SEC24C: variants seen among roughly 807,000 people sequenced by gnomAD.
SEC24C encodes SEC24 homolog C, COPII component.
Under a neutral mutation model 117.0 loss-of-function variants are expected in SEC24C, and 22 were observed. The ratio of observed to expected loss-of-function variants is 0.19; its 90% CI spans 0.13 to 0.27. SEC24C has a LOEUF of 0.27. Among genes scored for constraint, SEC24C ranks in the 10% least tolerant of loss-of-function variants. The pLI is 1.00. For synonymous variants in SEC24C, 506 were observed against 529.4 expected, an observed-to-expected ratio of 0.96 and a Z score of 0.61; for missense variants, 1,155 against 1,375.1, an observed-to-expected ratio of 0.84 and a Z score of 2.53.
chr10:73,770,513 A>G, intron 21 of SEC24C, 42 bp downstream of exon 21: 1 of 1,602,718 alleles, frequency 6.2e-7, no homozygotes, highest in African/African-American at 1.3e-5. Flanking sequence ...GTGGAAGTAT[A>G]CTTTGTGAAA....
chr10:73,754,442 T>G (rs1446971716), intron 3 of SEC24C, among the ~76,000 whole-genome samples: 1 of 152,130 alleles, frequency 6.6e-6, no homozygotes. Context: ...TGGGAGGTTA[T>G]ATGCAAATAT....
intron 6 of SEC24C, among the ~76,000 whole-genome samples, chr10:73,762,918 A>T (rs184088441): frequency 2.6e-5 from 4 of 152,336 alleles, no homozygotes; most frequent in African/African-American, 9.6e-5. Flanking sequence ...ATACACATTG[A>T]TGCTTACCTG....
rs2082589574 is a variant in SEC24C at position 73,748,219 on chromosome 10, T to C, written c.172+1215T>C. 2.0e-5 allele frequency among the ~76,000 whole-genome samples: 3 copies of C among 152,012 alleles called. No homozygotes were observed. In the South Asian group the frequency reaches 6.2e-4, roughly 32 times the overall value. ...GGCACAATCTCGGCTCACTGCAACC[T>C]CCGCCTCCCAGATTCAAGCAATTCT... is the stretch of plus-strand genomic sequence containing the variant. On this transcript the variant is annotated intron_variant, in intron 2 of 22. Transcript: ENST00000345254.
At chr10:73,764,320 C>G (rs955511242) in intron 8 of SEC24C, among the ~76,000 whole-genome samples, 16 of 151,966 alleles carry the variant, frequency 1.1e-4, no homozygotes, top group African/African-American at 3.1e-4. Context: ...GACAGGAGAT[C>G]AAGACCATCC....
rs371242251 is a variant in SEC24C, at chr10:73,751,247, G to C, written c.308+4G>C. Reference sequence around the variant, plus strand: ...GCTCCACTGTTCAGATGCAAAGGTAGGTACTTGGTCAATCTAAAATTGGTC... The same window carrying C: ...GCTCCACTGTTCAGATGCAAAGGTACGTACTTGGTCAATCTAAAATTGGTC... On this transcript the variant is annotated splice_donor_region_variant and intron_variant, in intron 3 of 22. Transcript: ENST00000345254. The C allele has an allele frequency of 6.2e-7, 1 of 1,612,312 alleles. No individual in the cohort carries two copies. The highest frequency in any genetic ancestry group is 1.3e-5 in the African/African-American group (1 of 75,006).
At position 73,746,225 on chromosome 10, in the gene SEC24C, T is replaced by TGGGTTGGA. The variant is rs1302285350; in HGVS notation, c.-28-578_-28-571dup. Among the ~76,000 whole-genome samples, 3 of 151,320 alleles carry TGGGTTGGA rather than the reference T, an allele frequency of 2.0e-5. No homozygotes were observed. In the East Asian group the frequency reaches 5.9e-4, roughly 30 times the overall value. On this transcript the variant is annotated intron_variant, in intron 1 of 22. Coordinates refer to ENST00000345254, the MANE Select transcript of SEC24C (RefSeq NM_198597.3). ...CATACACTCTTTTGGTGGAAAGACT[T>TGGGTTGGA]GGGTTGGAGTATCATTTGTATTATG... is the stretch of plus-strand genomic sequence containing the variant.
rs1300339098 is a variant in SEC24C, at chr10:73,769,316, G to A, written c.2425-31G>A. 3.1e-6 allele frequency: 5 copies of A among 1,611,570 alleles called. No individual in the cohort carries two copies. The African/African-American group carries it at 5.3e-5, about 17-fold the overall frequency. On this transcript the variant is annotated intron_variant, in intron 17 of 22. Transcript: ENST00000345254. This position sits in a 1 kb window ranked among gnomAD's most constrained non-coding sequence, Gnocchi z 4.5. The stretch of plus-strand genomic sequence containing the variant: ...AGCAAAGGGCCTTTGTGAGGGAGGG[G>A]TGTGAGTTCCCCCTTTCTCCTTTCC...
intron 6 of SEC24C, among the ~76,000 whole-genome samples, chr10:73,763,171 C>T (rs769787366): frequency 1.3e-5 from 2 of 152,004 alleles, no homozygotes; most frequent in African/African-American, 4.8e-5. Context: ...GTGATCAGAG[C>T]TGGGGCTTTT....
In SEC24C at chr10:73,766,279, T is replaced by C. The variant is rs112042161; in HGVS notation, c.1607+69T>C. ...GGTGTCTGGGTTGACTGAAGAAATGTAGCTTGGTGTCATGAAGTTGTGGGT... is the reference window on the plus strand; with the variant it reads ...GGTGTCTGGGTTGACTGAAGAAATGCAGCTTGGTGTCATGAAGTTGTGGGT... On this transcript the variant is annotated intron_variant, in intron 11 of 22. Transcript: ENST00000345254. 28 of 1,582,710 alleles carry C rather than the reference T, an allele frequency of 1.8e-5. 1 individual carries two copies. The highest frequency in any genetic ancestry group is 1.5e-4 in the African/African-American group (11 of 74,064).
chr10:73,769,329 C>T lies in SEC24C; in HGVS notation c.2425-18C>T, dbSNP rs118101668. 3.2e-3 allele frequency: 5,094 copies of T among 1,612,972 alleles called. 268 individuals carry two copies. In the Admixed American group the frequency reaches 0.08, roughly 25 times the overall value. On this transcript the variant is annotated intron_variant, in intron 17 of 22. Coordinates refer to ENST00000345254, the MANE Select transcript of SEC24C (RefSeq NM_198597.3). The surrounding 1 kb of genome is among the most constrained non-coding windows in gnomAD (Gnocchi z 4.5). ...TGTGAGGGAGGGGTGTGAGTTCCCC[C>T]TTTCTCCTTTCCCCTAGTGTGCCCT...
chr10:73,763,715 A>G lies in SEC24C; in HGVS notation c.1099+114A>G. On this transcript the variant is annotated intron_variant, in intron 7 of 22. Transcript: ENST00000345254. ...TTTTTTTTTTAGTTTTTAACCAGAGACAAGTTCCCTCTAGTCCCTCTGGGG... is the reference window on the plus strand; with the variant it reads ...TTTTTTTTTTAGTTTTTAACCAGAGGCAAGTTCCCTCTAGTCCCTCTGGGG... 4.2e-6 allele frequency: 3 copies of G among 708,812 alleles called. No individual in the cohort carries two copies. In the South Asian group the frequency reaches 7.5e-5, roughly 18 times the overall value. 43.9% of individuals were successfully genotyped at this position (708,812 alleles called of 1,614,324 possible). A position where few individuals can be genotyped will look rare whatever the true frequency, so the allele number is the denominator to read the frequency against.
intron 2 of SEC24C, among the ~76,000 whole-genome samples, chr10:73,747,655 A>ATT (rs774177202): frequency 0.16 from 13,077 of 83,870 alleles, 853 homozygotes; most frequent in South Asian, 0.21. Context: ...CCTGGCCTGT[A>ATT]TTTTTTTTTT....
intron 15 of SEC24C, 42 bp from the exon 16 acceptor site, chr10:73,768,768 A>C: frequency 6.3e-7 from 1 of 1,590,982 alleles, no homozygotes; most frequent in African/African-American, 1.3e-5. Context: ...ACGATGAGCT[A>C]TGTCTAGTCA....
In SEC24C at chr10:73,769,665, A is replaced by G; in HGVS notation, c.2614A>G (p.Ile872Val). The G allele has an allele frequency of 6.2e-7, 1 of 1,614,194 alleles. No individual in the cohort carries two copies. Among genetic ancestry groups the G allele is most frequent in the South Asian group, 1.1e-5 (1 of 91,088 alleles). ...TGTGAAGGCTGTTCGTGACACGCTC[A>G]TCACCCAGTGTGCCCAGATCCTGGC... ...SPVKAVRDTLITQCAQILACY... is the reference protein window; with the variant it reads ...SPVKAVRDTLVTQCAQILACY... Residue 872 changes from isoleucine to valine, a missense_variant, in exon 19 of 23, where the codon ATC (isoleucine) becomes GTC (valine). Ile to Val is a conservative substitution (Grantham distance 29, BLOSUM62 3). This residue lies in a region of SEC24C where 759 missense variants were observed against 992.3 expected (regional missense o/e 0.76). Transcript: ENST00000345254. The surrounding 1 kb of genome is among the most constrained non-coding windows in gnomAD (Gnocchi z 4.5).
At chr10:73,758,664 TG>T (rs1283355906) in intron 3 of SEC24C, among the ~76,000 whole-genome samples, 9 of 152,250 alleles carry the variant, frequency 5.9e-5, no homozygotes, top group Admixed American at 5.9e-4. Context: ...ATATACTATG[TG>T]ATATTTTATA....
intron 3 of SEC24C, among the ~76,000 whole-genome samples, chr10:73,753,579 G>C (rs1238860810): frequency 1.3e-5 from 2 of 152,136 alleles, no homozygotes; most frequent in Admixed American, 1.3e-4. Context: ...TGAAGTGGAG[G>C]TATCGTTTGG....
intron 3 of SEC24C, among the ~76,000 whole-genome samples, chr10:73,753,160 C>T (rs1261707905): frequency 6.6e-6 from 1 of 152,118 alleles, no homozygotes; most frequent in East Asian, 1.9e-4. Context: ...GGCGATTCTC[C>T]AGCCTCAGCC....
intron 6 of SEC24C, among the ~76,000 whole-genome samples, chr10:73,761,111 A>G (rs566193071): frequency 1.3e-5 from 2 of 152,280 alleles, no homozygotes; most frequent in South Asian, 4.1e-4. Context: ...TGAGGGCTGC[A>G]CTCTGTCACT....
chr10:73,760,344 A>C lies in SEC24C; in HGVS notation c.808A>C (p.Met270Leu). ...TGGGCCCCTGGGACCACTGCCACCTATGCACTCCCCGCAGCAGCCAGGCTA... is the reference window on the plus strand; with the variant it reads ...TGGGCCCCTGGGACCACTGCCACCTCTGCACTCCCCGCAGCAGCCAGGCTA... ...MTGPLGPLPP[M>L]HSPQQPGYQP... The change falls in exon 5 of 23, where the codon ATG becomes CTG. Residue 270 changes from methionine (M) to leucine (L), a missense_variant. By Grantham distance (15) the Met-to-Leu change is conservative (BLOSUM62 2). Coordinates refer to ENST00000345254, the MANE Select transcript of SEC24C (RefSeq NM_198597.3). The C allele has an allele frequency of 1.2e-6, 2 of 1,608,762 alleles. No homozygotes were observed. Among genetic ancestry groups the C allele is most frequent in the Non-Finnish European group, 1.7e-6 (2 of 1,179,040 alleles).
Sources: allele counts gnomAD v4.1 joint callset (sites outside exome capture counted in the v4.1 genomes callset), GRCh38; gene constraint gnomAD v4.1.1; regional missense constraint gnomAD v4.1.1; non-coding constraint Gnocchi (gnomAD v3.1); transcripts MANE v1.5; gene names NCBI Gene and HGNC (gene_info 2026-07-23, HGNC 2026-07-21).